Variants in ATF3 observed in about 807,000 individuals in gnomAD.
ATF3 encodes cyclic AMP-dependent transcription factor ATF-3.
In ATF3, 10 loss-of-function variants were observed where a neutral mutation model predicts 18.4. The ratio of observed to expected loss-of-function variants is 0.54; its 90% CI spans 0.34 to 0.92. ATF3 has a LOEUF of 0.92. Among genes scored for constraint, ATF3 ranks in the 40% least tolerant of loss-of-function variants. ATF3 has a pLI of 0.02. For missense variants in ATF3, 183 were observed against 222.3 expected, an observed-to-expected ratio of 0.82 and a Z score of 1.12; for synonymous variants, 78 against 87.9, an observed-to-expected ratio of 0.89 and a Z score of 0.63.
intron 1 of ATF3, among the ~76,000 whole-genome samples, chr1:212,582,774 G>A (rs532740543): frequency 7.9e-5 from 12 of 152,156 alleles, no homozygotes; most frequent in Admixed American, 1.3e-4. Flanking sequence ...CCTGCACTTA[G>A]GAGAAAGGAG....
In ATF3 at chr1:212,619,876, C is replaced by T; in HGVS notation, c.*321C>T. The stretch of plus-strand genomic sequence containing the variant: ...GGATTCTACAAAAAACCAGGATGCC[C>T]ACCGTTAGGATTCAGGCAGCAGTGT... On this transcript the variant is annotated 3_prime_UTR_variant, in exon 4 of 4. Transcript: ENST00000341491. The surrounding 1 kb of genome is among the most constrained non-coding windows in gnomAD (Gnocchi z 4.4). 1 of 333,640 alleles carries T rather than the reference C, an allele frequency of 3.0e-6. No homozygotes were observed. Among genetic ancestry groups the T allele is most frequent in the East Asian group, 7.6e-5 (1 of 13,114 alleles). 20.7% of individuals were successfully genotyped at this position (333,640 alleles called of 1,614,324 possible).
intron 1 of ATF3, among the ~76,000 whole-genome samples, chr1:212,591,237 C>T (rs4951454): frequency 0.27 from 41,190 of 152,082 alleles, 6,215 homozygotes; most frequent in African/African-American, 0.41. Context: ...CCTCCTGCAC[C>T]GCAGTCTCCC....
At chr1:212,608,965 A>C (rs1347369040) in intron 1 of ATF3, 35 bp downstream of exon 1, 2 of 152,040 alleles carry the variant, frequency 1.3e-5, no homozygotes, top group African/African-American at 4.8e-5. Context: ...GAGCGCGACG[A>C]GGGCTGCTCG....
At chr1:212,597,395 T>A (rs1654314325) in intron 1 of ATF3, among the ~76,000 whole-genome samples, 1 of 147,826 alleles carries the variant, frequency 6.8e-6, no homozygotes, top group Non-Finnish European at 1.5e-5. Flanking sequence ...TGTTGTTATA[T>A]TCTGGGTACT....
At chr1:212,591,789 G>A (rs76635119) in intron 1 of ATF3, among the ~76,000 whole-genome samples, 1,688 of 152,036 alleles carry the variant, frequency 0.011, 31 homozygotes, top group African/African-American at 0.038. Flanking sequence ...TCTTTTATGG[G>A]GTGGTAGGGT....
chr1:212,618,327 C>T lies in ATF3; in HGVS notation c.348+93C>T. On this transcript the variant is annotated intron_variant, in intron 3 of 3. Coordinates refer to ENST00000341491, the MANE Select transcript of ATF3 (RefSeq NM_001674.4). The surrounding 1 kb of genome is among the most constrained non-coding windows in gnomAD (Gnocchi z 4.4). The stretch of plus-strand genomic sequence containing the variant: ...AGAAGAAGAGTTAGAAAACCCCCTA[C>T]TTGGTTATAGTTTCCCAAGAAGGGC... The T allele has an allele frequency of 7.5e-7, 1 of 1,336,926 alleles. No homozygotes were observed. The highest frequency in any genetic ancestry group is 1.4e-5 in the African/African-American group (1 of 69,576). 82.8% of individuals were successfully genotyped at this position (1,336,926 alleles called of 1,614,324 possible). A position where few individuals can be genotyped will look rare whatever the true frequency, so the allele number is the denominator to read the frequency against.
upstream of ATF3, among the ~76,000 whole-genome samples, chr1:212,607,153 C>A (rs1374788386): frequency 1.3e-5 from 2 of 152,136 alleles, no homozygotes; most frequent in African/African-American, 2.4e-5. Flanking sequence ...TGAGTGAGGT[C>A]GGGCTTGGCG....
chr1:212,613,587 A>C (rs1485356434), intron 1 of ATF3: 1 of 152,214 alleles, frequency 6.6e-6, no homozygotes, highest in African/African-American at 2.4e-5. Context: ...AGTGCCCCTA[A>C]GGTTTCTGGT....
intron 1 of ATF3, among the ~76,000 whole-genome samples, chr1:212,579,433 C>T (rs1664640161): frequency 6.6e-6 from 1 of 152,170 alleles, no homozygotes; most frequent in Non-Finnish European, 1.5e-5. Flanking sequence ...ACCAGCATAT[C>T]CCCAGTGCAT....
At chr1:212,593,487 C>A (rs1034247297) in intron 1 of ATF3, among the ~76,000 whole-genome samples, 1 of 151,688 alleles carries the variant, frequency 6.6e-6, no homozygotes, top group Non-Finnish European at 1.5e-5. Flanking sequence ...GTAACCATAG[C>A]ACTTTGAGAG....
At chr1:212,575,591 G>T (rs1205337380) in intron 1 of ATF3, among the ~76,000 whole-genome samples, 2 of 151,958 alleles carry the variant, frequency 1.3e-5, no homozygotes, top group Non-Finnish European at 2.9e-5. Flanking sequence ...TGTAATTTCT[G>T]ACTTTAATGA....
chr1:212,606,453 C>T (rs1311701994), upstream of ATF3, among the ~76,000 whole-genome samples: 1 of 152,170 alleles, frequency 6.6e-6, no homozygotes, highest in East Asian at 1.9e-4. Context: ...ATAACCCGAC[C>T]GGGGTGTTGG....
chr1:212,582,236 A>G (rs548632847), intron 1 of ATF3, among the ~76,000 whole-genome samples: 1 of 152,356 alleles, frequency 6.6e-6, no homozygotes, highest in Admixed American at 6.5e-5. Context: ...TTTATCTGGC[A>G]ACCCTTCCCA....
chr1:212,566,753 C>T (rs958587850), intron 1 of ATF3, among the ~76,000 whole-genome samples: 6 of 152,326 alleles, frequency 3.9e-5, no homozygotes, highest in Middle Eastern at 3.4e-3. Context: ...GAGCAAAGCA[C>T]GCGCTGGGAA....
intron 1 of ATF3, among the ~76,000 whole-genome samples, chr1:212,574,946 A>G (rs981697833): frequency 6.6e-6 from 1 of 151,970 alleles, no homozygotes; most frequent in Admixed American, 6.6e-5. Flanking sequence ...TCTTCTTCCA[A>G]ATTTTCTTGG....
At chr1:212,572,151 A>G (rs945355824) in intron 1 of ATF3, among the ~76,000 whole-genome samples, 4 of 152,128 alleles carry the variant, frequency 2.6e-5, no homozygotes, top group Non-Finnish European at 4.4e-5. Flanking sequence ...CCATACTCTT[A>G]TCGATACTTG....
intron 1 of ATF3, among the ~76,000 whole-genome samples, chr1:212,611,188 G>T (rs1373011409): frequency 6.6e-6 from 1 of 152,216 alleles, no homozygotes; most frequent in Non-Finnish European, 1.5e-5. Context: ...ATGCAGAAAT[G>T]CTGGCATCAG....
In ATF3 at chr1:212,576,721, C is replaced by CTTTTTTT. The variant is rs57512671; in HGVS notation, c.-5+11256_-5+11262dup. On this transcript the variant is annotated intron_variant, in intron 1 of 3. Coordinates refer to the ATF3 transcript ENST00000366981. ...AAAAAATATTCTTTTCTTTTCTTTT[C>CTTTTTTT]TTTTTTTTTTTTTTTTTTTTTTTTG... 3.5e-3 allele frequency among the ~76,000 whole-genome samples: 202 copies of CTTTTTTT among 57,308 alleles called. 8 individuals carry two copies. Among genetic ancestry groups the CTTTTTTT allele is most frequent in the South Asian group, 5.6e-3 (7 of 1,254 alleles). The allele number at this position is 57,308 out of a possible 152,430, so 37.6% of individuals were successfully genotyped here. A position where few individuals can be genotyped will look rare whatever the true frequency, so the allele number is the denominator to read the frequency against.
intron 1 of ATF3, chr1:212,613,782 G>A (rs1654989965): frequency 6.6e-6 from 1 of 152,402 alleles, no homozygotes; most frequent in Non-Finnish European, 1.5e-5. Context: ...GCCACCACTG[G>A]AGGGAGTACA....
Sources: gnomAD v4.1 joint callset for allele counts (sites outside exome capture counted in the v4.1 genomes callset) on GRCh38, gnomAD v4.1.1 for gene constraint, Gnocchi (gnomAD v3.1) non-coding constraint, MANE v1.5 for transcripts, NCBI Gene and HGNC (gene_info 2026-07-23, HGNC 2026-07-21) for gene names.